Variants in PGBD1 observed in about 807,000 individuals in gnomAD.
The protein encoded by PGBD1 is piggyBac transposable element derived 1, also known as piggyBac transposable element-derived protein 1.
PGBD1 carries 25 observed loss-of-function variants against 34.7 expected under a neutral mutation model. The ratio of observed to expected loss-of-function variants is 0.72; its 90% CI spans 0.52 to 1.00. The LOEUF (loss-of-function observed/expected upper bound fraction) is 1.00, where lower values mean the gene tolerates loss of function less well. Ranked by LOEUF, PGBD1 falls within the 50% of genes least tolerant of loss-of-function variation. The pLI is 0.00. For missense variants in PGBD1, 830 were observed against 959.4 expected (o/e 0.87, Z 1.78); for synonymous variants, 292 against 335.7 (o/e 0.87, Z 1.42).
chr6:28,283,854 A>G lies in PGBD1; in HGVS notation c.41A>G (p.Asp14Gly), dbSNP rs146955908. The change falls in exon 2 of 7, where the codon GAT (aspartate) becomes GGT (glycine). Residue 14 changes from aspartate (D) to glycine (G), a missense_variant. Asp to Gly is a moderately conservative substitution (Grantham distance 94). Transcript: ENST00000682144. ...ALPGPAPENE[D>G]GLVKVKEEDP... ...CCAGGCCCTGCTCCTGAAAATGAAG[A>G]TGGCCTTGTGAAAGTGAAGGAGGAA... The G allele has an allele frequency of 3.1e-6, 5 of 1,609,796 alleles. No homozygotes were observed. The highest frequency in any genetic ancestry group is 4.2e-6 in the Non-Finnish European group (5 of 1,176,660).
At position 28,300,746 on chromosome 6, in the gene PGBD1, TG is replaced by T; in HGVS notation, c.893del (p.Cys298LeufsTer14). The T allele has an allele frequency of 6.2e-7, 1 of 1,612,680 alleles. No homozygotes were observed. The highest frequency in any genetic ancestry group is 8.5e-7 in the Non-Finnish European group (1 of 1,179,402). ...PNRECAPQIP[C>X]STPIATERTV... ...CAGAGAGTGTGCACCCCAGATTCCTTGTAGTACTCCTATTGCTACTGAAAGG... is the reference window on the plus strand; with the variant it reads ...CAGAGAGTGTGCACCCCAGATTCCTTTAGTACTCCTATTGCTACTGAAAGG... On this transcript the variant is annotated frameshift_variant, in exon 7 of 7. Coordinates refer to ENST00000682144, the MANE Select transcript of PGBD1 (RefSeq NM_032507.4). LOFTEE classifies it low-confidence loss of function (END_TRUNC). This position sits in a 1 kb window ranked among gnomAD's most constrained non-coding sequence, Gnocchi z 4.0.
intron 1 of PGBD1, among the ~76,000 whole-genome samples, chr6:28,283,210 G>A (rs1762180054): frequency 6.6e-6 from 1 of 152,180 alleles, no homozygotes; most frequent in Non-Finnish European, 1.5e-5. Flanking sequence ...AGCTACAGCA[G>A]CACTCTCTCT....
intron 5 of PGBD1, 90 bp downstream of exon 5, chr6:28,297,035 A>G (rs1762666741): frequency 4.2e-6 from 6 of 1,440,324 alleles, no homozygotes; most frequent in African/African-American, 1.4e-5. Flanking sequence ...CACGTTTCCT[A>G]CAGACCCACA....
Position 28,301,000 on chromosome 6 carries a change from A to T in PGBD1, c.1146A>T (p.Val382=). Residue 382 remains valine, a synonymous_variant, in exon 7 of 7, where the codon GTA becomes GTT. Transcript: ENST00000682144. The surrounding 1 kb of genome is among the most constrained non-coding windows in gnomAD (Gnocchi z 4.0). The stretch of plus-strand genomic sequence containing the variant: ...AGCCTGCTCAAAAGAAGTTAAAGGT[A>T]TCATGTTTCCCAGAAAAGAGTTGGA... ...EIQPAQKKLK[V]SCFPEKSWTK... 1 of 1,614,200 alleles carries T rather than the reference A, an allele frequency of 6.2e-7. No homozygotes were observed. The highest frequency in any genetic ancestry group is 8.5e-7 in the Non-Finnish European group (1 of 1,180,032).
rs1554138009 is a variant in PGBD1 at position 28,296,829 on chromosome 6, C to T, written c.656C>T (p.Thr219Ile). The T allele has an allele frequency of 9.9e-6, 16 of 1,614,064 alleles. No individual in the cohort carries two copies. In the South Asian group the frequency reaches 1.8e-4, roughly 18 times the overall value. ...TTGTCTTTTTAGACATTGGTGAAGA[C>T]TGAGGAAGAAACAGCCCAGGCCGTT... ...NPVRSQTLVK[T>I]EEETAQAVAA... The change falls in exon 5 of 7, where the codon ACT (threonine) becomes ATT (isoleucine). Residue 219 changes from threonine (T) to isoleucine (I), a missense_variant. Coordinates refer to ENST00000682144, the MANE Select transcript of PGBD1 (RefSeq NM_032507.4).
intron 4 of PGBD1, among the ~76,000 whole-genome samples, chr6:28,296,483 T>C (rs572137818): frequency 1.5e-4 from 23 of 152,338 alleles, no homozygotes; most frequent in Non-Finnish European, 2.9e-4. Flanking sequence ...ACTCTTCAGG[T>C]TTCCTATGTT....
intron 4 of PGBD1, among the ~76,000 whole-genome samples, chr6:28,296,325 G>C (rs183435103): frequency 6.6e-6 from 1 of 152,326 alleles, no homozygotes; most frequent in Non-Finnish European, 1.5e-5. Flanking sequence ...TTGAAGTGCT[G>C]TTCAACCAAA....
chr6:28,295,970 C>T (rs1214933656), intron 4 of PGBD1, among the ~76,000 whole-genome samples: 1 of 152,192 alleles, frequency 6.6e-6, no homozygotes, highest in Non-Finnish European at 1.5e-5. Flanking sequence ...TATTCATTCT[C>T]TAAAAGACTG....
At chr6:28,284,502 T>C (rs1175173337) in intron 2 of PGBD1, among the ~76,000 whole-genome samples, 2 of 152,086 alleles carry the variant, frequency 1.3e-5, no homozygotes, top group Non-Finnish European at 2.9e-5. Flanking sequence ...CTGAATCTAT[T>C]TGAGAGTCAG....
rs368634720 is a variant in PGBD1, at chr6:28,297,816, GTTTTT to G, written c.773-54_773-50del. ...GGAACATCTATTCCCTACCCTGGAA[GTTTTT>G]TTTTTTTTTTTTTTTTTTTTTTTTC... On this transcript the variant is annotated intron_variant, in intron 5 of 6. Transcript: ENST00000682144. 3.3e-3 allele frequency: 1,168 copies of G among 350,232 alleles called. 3 individuals are homozygous for G. The African/African-American group carries it at 0.037, about 11-fold the overall frequency. The allele number at this position is 350,232 out of a possible 1,614,324, so 21.7% of individuals were successfully genotyped here. A position where few individuals can be genotyped will look rare whatever the true frequency, so the allele number is the denominator to read the frequency against.
chr6:28,301,095 G>A lies in PGBD1; in HGVS notation c.1241G>A (p.Ser414Asn). 1 of 1,614,158 alleles carries A rather than the reference G, an allele frequency of 6.2e-7. No individual in the cohort carries two copies. The highest frequency in any genetic ancestry group is 1.1e-5 in the South Asian group (1 of 91,078). The change falls in exon 7 of 7, where the codon AGC becomes AAC. Residue 414 changes from serine to asparagine, a missense_variant. Around this residue, in one of 3 missense-constraint regions of PGBD1, gnomAD observed 457 missense variants for 515.4 expected, o/e 0.89. Transcript: ENST00000682144. ...GATTCTGGACTTTTGAATCTCAAGAGCGAAAAGTTGAACCCAGTAGAGCTT... is the reference window on the plus strand; with the variant it reads ...GATTCTGGACTTTTGAATCTCAAGAACGAAAAGTTGAACCCAGTAGAGCTT... ...ALDSGLLNLK[S>N]EKLNPVELFE...
At chr6:28,286,320 TCTGCCAA>T (rs1762284185) in intron 3 of PGBD1, among the ~76,000 whole-genome samples, 1 of 152,248 alleles carries the variant, frequency 6.6e-6, no homozygotes, top group African/African-American at 2.4e-5. Context: ...TACTCTGCCA[TCTGCCAA>T]CTGCCAACTT....
chr6:28,301,764 C>G lies in PGBD1; in HGVS notation c.1910C>G (p.Ser637Ter), dbSNP rs1346912164. The part of the protein sequence containing the change: ...DSFFTSVKLL[S>*]ALKKKGVRAT... ...TTCTTTACAAGTGTCAAATTGTTGT[C>G]AGCCTTGAAAAAGAAGGGGGTGAGG... Residue 637 changes from serine to a stop codon, truncating the protein, a stop_gained, in exon 7 of 7, where the codon TCA becomes TGA. Coordinates refer to ENST00000682144, the MANE Select transcript of PGBD1 (RefSeq NM_032507.4). LOFTEE classifies it low-confidence loss of function (END_TRUNC). 6.2e-7 allele frequency: 1 copy of G among 1,614,066 alleles called. No homozygotes were observed. Among genetic ancestry groups the G allele is most frequent in the East Asian group, 2.2e-5 (1 of 44,874 alleles).
chr6:28,283,551 C>T (rs1438784853), intron 1 of PGBD1, among the ~76,000 whole-genome samples: 1 of 152,206 alleles, frequency 6.6e-6, no homozygotes, highest in African/African-American at 2.4e-5. Flanking sequence ...AACACTTCTT[C>T]CCTCATGTCC....
chr6:28,283,640 G>A, intron 1 of PGBD1, 136 bp from the exon 2 acceptor site: 1 of 699,418 alleles, frequency 1.4e-6, no homozygotes, highest in Non-Finnish European at 2.2e-6. Flanking sequence ...GATAATAGAA[G>A]CAAGCAGGCT....
intron 3 of PGBD1, 28 bp from the exon 4 acceptor site, chr6:28,287,052 T>A (rs1333299770): frequency 1.3e-6 from 2 of 1,576,414 alleles, no homozygotes; most frequent in Non-Finnish European, 1.7e-6. Context: ...CATGTCTCAT[T>A]TAGGACTCTT....
chr6:28,292,320 C>T (rs1762482312), intron 4 of PGBD1, among the ~76,000 whole-genome samples: 1 of 151,900 alleles, frequency 6.6e-6, no homozygotes, highest in Non-Finnish European at 1.5e-5. Flanking sequence ...AGAAAATGAT[C>T]GCATTTACAA....
chr6:28,283,981 C>A lies in PGBD1; in HGVS notation c.168C>A (p.His56Gln). 6.2e-7 allele frequency: 1 copy of A among 1,614,180 alleles called. No homozygotes were observed. Among genetic ancestry groups the A allele is most frequent in the South Asian group, 1.1e-5 (1 of 91,082 alleles). ...GGCACTTCTGCTACCAGGAGGCTCACGGACCCCAGGAAGCTCTGGCCCAAC... is the reference window on the plus strand; with the variant it reads ...GGCACTTCTGCTACCAGGAGGCTCAAGGACCCCAGGAAGCTCTGGCCCAAC... ...RFRHFCYQEA[H>Q]GPQEALAQLR... Residue 56 changes from histidine (H) to glutamine (Q), a missense_variant, in exon 2 of 7, where the codon CAC becomes CAA. Coordinates refer to ENST00000682144, the MANE Select transcript of PGBD1 (RefSeq NM_032507.4).
At chr6:28,290,759 C>T (rs1198488528) in intron 4 of PGBD1, among the ~76,000 whole-genome samples, 1 of 152,078 alleles carries the variant, frequency 6.6e-6, no homozygotes, top group African/African-American at 2.4e-5. Flanking sequence ...CTTTTCTAAT[C>T]ACAGTGGAAT....
Sources: gnomAD v4.1 joint callset for allele counts (sites outside exome capture counted in the v4.1 genomes callset) on GRCh38, gnomAD v4.1.1 for gene constraint, gnomAD v4.1.1 regional missense constraint, Gnocchi (gnomAD v3.1) non-coding constraint, MANE v1.5 for transcripts, NCBI Gene and HGNC (gene_info 2026-07-23, HGNC 2026-07-21) for gene names.